The following THRAP3 variants were observed in gnomAD, a reference collection of about 807,000 sequenced individuals.
THRAP3 encodes the protein thyroid hormone receptor associated protein 3, also known as thyroid hormone receptor-associated protein 3.
In THRAP3, 16 loss-of-function variants were observed where a neutral mutation model predicts 101.0. The ratio of observed to expected loss-of-function variants is 0.16; its 90% CI spans 0.11 to 0.24. THRAP3 has a LOEUF of 0.24. Ranked by LOEUF, THRAP3 falls within the 10% of genes least tolerant of loss-of-function variation. THRAP3 has a pLI of 1.00. For missense variants in THRAP3, 989 were observed against 1,202.7 expected, an observed-to-expected ratio of 0.82 and a Z score of 2.63; for synonymous variants, 407 against 422.6, an observed-to-expected ratio of 0.96 and a Z score of 0.45.
upstream of THRAP3, among the ~76,000 whole-genome samples, chr1:36,219,767 C>T (rs977315213): frequency 6.6e-6 from 1 of 152,108 alleles, no homozygotes; most frequent in Non-Finnish European, 1.5e-5. Flanking sequence ...TAGCCTTCCA[C>T]TGGAAGCAGA....
At chr1:36,224,565 CTT>C (rs1217576665) in intron 1 of THRAP3, 60 bp downstream of exon 1, 1 of 152,646 alleles carries the variant, frequency 6.6e-6, no homozygotes, top group Admixed American at 6.5e-5. Flanking sequence ...GGTTTCGTCT[CTT>C]ATCTTTTTTC....
At chr1:36,214,624 C>T in the THRAP3 span, among the ~76,000 whole-genome samples, 4 of 152,080 alleles carry the variant, frequency 2.6e-5, no homozygotes, top group East Asian at 5.8e-4. Flanking sequence ...TCTGGAAGGC[C>T]GAGGTGGGTG....
chr1:36,271,981 T>C (rs531752957), intron 2 of THRAP3, among the ~76,000 whole-genome samples: 44 of 152,228 alleles, frequency 2.9e-4, no homozygotes, highest in African/African-American at 1.0e-3. Flanking sequence ...TCACCCCCTT[T>C]GGCTTTCCAA....
rs1645533269 is a variant in THRAP3 at position 36,267,662 on chromosome 1, A to C, written c.-32+8178A>C. On this transcript the variant is annotated intron_variant, in intron 2 of 11. Transcript: ENST00000354618. ...TAATAGTCAAACAGGAGGCCAGAGC[A>C]GATTCTTTTGTTATTTGTTAACTGA... Among the ~76,000 whole-genome samples, 2 of 9,384 alleles carry C rather than the reference A, an allele frequency of 2.1e-4. 1 individual carries two copies. The highest frequency in any genetic ancestry group is 1.9e-3 in the Non-Finnish European group (2 of 1,070). The allele number at this position is 9,384 out of a possible 152,430, so 6.2% of individuals were successfully genotyped here.
At position 36,257,903 on chromosome 1, in the gene THRAP3, C is replaced by T. The variant is rs61769522; in HGVS notation, c.-134-1479C>T. Among the ~76,000 whole-genome samples, 674 of 152,280 alleles carry T rather than the reference C, an allele frequency of 4.4e-3. 1 individual carries two copies. The highest frequency in any genetic ancestry group is 7.5e-3 in the Non-Finnish European group (510 of 68,030). On this transcript the variant is annotated intron_variant, in intron 1 of 11. Coordinates refer to ENST00000354618, the MANE Select transcript of THRAP3 (RefSeq NM_005119.4). ...TCACCCACGCTGGAGTGCAATGGCA[C>T]GATCTCGGCACACTGCAACCTCTGC...
the THRAP3 span, among the ~76,000 whole-genome samples, chr1:36,214,339 C>T: frequency 6.6e-6 from 1 of 152,202 alleles, no homozygotes; most frequent in Non-Finnish European, 1.5e-5. Flanking sequence ...TTGACTCCTG[C>T]CCTTTCTCAG....
intron 1 of THRAP3, among the ~76,000 whole-genome samples, chr1:36,251,631 C>G (rs1645301534): frequency 6.6e-6 from 1 of 152,172 alleles, no homozygotes; most frequent in African/African-American, 2.4e-5. Context: ...AAGCTAAATT[C>G]TGAATTCGCA....
At chr1:36,256,682 C>T (rs1570275731) in intron 1 of THRAP3, among the ~76,000 whole-genome samples, 1 of 152,342 alleles carries the variant, frequency 6.6e-6, no homozygotes, top group Admixed American at 6.5e-5. Context: ...CCAGTGGCTG[C>T]CCTCATTACC....
the THRAP3 span, among the ~76,000 whole-genome samples, chr1:36,212,239 T>G: frequency 6.6e-6 from 1 of 151,974 alleles, no homozygotes; most frequent in Non-Finnish European, 1.5e-5. Context: ...AGAGGGCCCT[T>G]TCCTCAGTGG....
rs935427359 is a variant in THRAP3 at position 36,301,494 on chromosome 1, G to A, written c.2503-59G>A. On this transcript the variant is annotated intron_variant, in intron 10 of 11. Transcript: ENST00000354618. ...AAAATGTTTGAACAAAAAGCAGGGG[G>A]GTTTGTTCCCCATTCCTGGCATGAT... is the stretch of plus-strand genomic sequence containing the variant. The A allele has an allele frequency of 1.1e-5, 17 of 1,583,038 alleles. No homozygotes were observed. The African/African-American group carries it at 1.6e-4, about 15-fold the overall frequency.
intron 1 of THRAP3, among the ~76,000 whole-genome samples, chr1:36,239,002 C>T (rs370395679): frequency 2.6e-4 from 40 of 151,884 alleles, no homozygotes; most frequent in Non-Finnish European, 4.9e-4. Context: ...GGCGCGATCT[C>T]GGCTCACTGC....
At chr1:36,280,929 T>A (rs1645723317) in intron 2 of THRAP3, among the ~76,000 whole-genome samples, 1 of 151,144 alleles carries the variant, frequency 6.6e-6, no homozygotes, top group Non-Finnish European at 1.5e-5. Flanking sequence ...TTATTTTTAT[T>A]TATTTTTTTT....
the THRAP3 span, among the ~76,000 whole-genome samples, chr1:36,215,038 G>A: frequency 1.3e-5 from 2 of 150,000 alleles, no homozygotes; most frequent in South Asian, 2.1e-4. Flanking sequence ...TGGCTAACAC[G>A]ATGAAACCCC....
Position 36,283,560 on chromosome 1 carries a change from T to C in THRAP3, c.137+860T>C, listed in dbSNP as rs1279475595. ...GAATCTTTGTACATTTTCATTCTTT[T>C]TCCCACAAGTACATTAGCAAGGAGA... On this transcript the variant is annotated intron_variant, in intron 3 of 11. Transcript: ENST00000354618. 3.3e-5 allele frequency among the ~76,000 whole-genome samples: 5 copies of C among 152,210 alleles called. No homozygotes were observed. In the East Asian group the frequency reaches 9.6e-4, roughly 29 times the overall value.
intron 1 of THRAP3, among the ~76,000 whole-genome samples, chr1:36,242,362 A>G (rs908045502): frequency 1.3e-5 from 2 of 151,788 alleles, no homozygotes; most frequent in East Asian, 1.9e-4. Context: ...CATGTTGCCC[A>G]GGTTGATCTT....
chr1:36,241,380 T>G (rs1208252784), intron 1 of THRAP3, among the ~76,000 whole-genome samples: 1 of 90,096 alleles, frequency 1.1e-5, no homozygotes, highest in Non-Finnish European at 2.1e-5. Flanking sequence ...GAAATGATAA[T>G]GGGTGTATAT....
At chr1:36,229,950 C>CAT (rs1316362190) in intron 1 of THRAP3, among the ~76,000 whole-genome samples, 1 of 101,582 alleles carries the variant, frequency 9.8e-6, no homozygotes, top group Admixed American at 1.4e-4. Context: ...TCGCGCCCAG[C>CAT]CTTTTTTTTT....
upstream of THRAP3, among the ~76,000 whole-genome samples, chr1:36,222,266 A>G (rs2124301925): frequency 6.6e-6 from 1 of 152,276 alleles, no homozygotes; most frequent in South Asian, 2.1e-4. Context: ...AGTGCACACA[A>G]TAGACTACAG....
intron 1 of THRAP3, among the ~76,000 whole-genome samples, chr1:36,229,425 T>C (rs1366324670): frequency 5.6e-5 from 4 of 71,544 alleles, no homozygotes; most frequent in African/African-American, 2.3e-4. Context: ...TTTTTTTTGT[T>C]TTTTTTTTTT....
Sources: gnomAD v4.1 joint callset for allele counts (sites outside exome capture counted in the v4.1 genomes callset) on GRCh38, gnomAD v4.1.1 for gene constraint, MANE v1.5 for transcripts, NCBI Gene and HGNC (gene_info 2026-07-23, HGNC 2026-07-21) for gene names.